The following CTNNA3 variants were observed in gnomAD, a reference collection of about 807,000 sequenced individuals.
CTNNA3 encodes the protein catenin alpha 3.
CTNNA3 carries 76 observed loss-of-function variants against 95.7 expected under a neutral mutation model. The ratio of observed to expected loss-of-function variants is 0.79; its 90% CI spans 0.66 to 0.96. The LOEUF is 0.96. CTNNA3 is among the 40% of genes least tolerant of loss of function. The pLI, the probability that CTNNA3 is intolerant of heterozygous loss-of-function variation, is 0.00. For missense variants in CTNNA3, 1,191 were observed against 1,089.8 expected (o/e 1.09, Z -1.31); for synonymous variants, 431 against 374.4 (o/e 1.15, Z -1.74).
intron 13 of CTNNA3, among the ~76,000 whole-genome samples, chr10:66,186,488 T>C (rs2086351879): frequency 6.6e-6 from 1 of 152,218 alleles, no homozygotes; most frequent in Admixed American, 6.5e-5. Flanking sequence ...TCTTAAATAC[T>C]TGATGCTTCA....
At chr10:67,644,095 T>A (rs184380499) in intron 2 of CTNNA3, among the ~76,000 whole-genome samples, 4 of 152,362 alleles carry the variant, frequency 2.6e-5, no homozygotes, top group Admixed American at 2.6e-4. Context: ...TCTAGATCCT[T>A]GAGGAATTGC....
intron 13 of CTNNA3, among the ~76,000 whole-genome samples, chr10:66,204,588 T>C (rs1467519756): frequency 6.6e-6 from 1 of 152,204 alleles, no homozygotes; most frequent in East Asian, 1.9e-4. Flanking sequence ...TAGGAATTAA[T>C]ACTATCTCCT....
intron 7 of CTNNA3, among the ~76,000 whole-genome samples, chr10:66,786,517 G>T (rs1284705782): frequency 6.6e-6 from 1 of 152,172 alleles, no homozygotes; most frequent in African/African-American, 2.4e-5. Context: ...AGTTTTGACA[G>T]TTATATTCTA....
At chr10:66,615,361 C>T (rs2132297517) in intron 10 of CTNNA3, among the ~76,000 whole-genome samples, 1 of 152,096 alleles carries the variant, frequency 6.6e-6, no homozygotes, top group Middle Eastern at 3.4e-3. Context: ...TGCTATAAGT[C>T]AGTCCCCATA....
At chr10:67,557,885 G>C (rs1841315661) in intron 3 of CTNNA3, among the ~76,000 whole-genome samples, 1 of 152,118 alleles carries the variant, frequency 6.6e-6, no homozygotes, top group East Asian at 1.9e-4. Flanking sequence ...CTGGGCCTGA[G>C]AAACTCTGTC....
rs1244117450 is a variant in CTNNA3, at chr10:66,607,457, C to T, written c.1374+14235G>A. 2.4e-5 allele frequency among the ~76,000 whole-genome samples: 3 copies of T among 124,078 alleles called. No individual in the cohort carries two copies. In the East Asian group the frequency reaches 6.4e-4, roughly 27 times the overall value. 81.4% of individuals were successfully genotyped at this position (124,078 alleles called of 152,430 possible). On this transcript the variant is annotated intron_variant, in intron 10 of 17. Transcript: ENST00000433211. The stretch of plus-strand genomic sequence containing the variant: ...GGCTACCATCATCCTGAAACCAAAA[C>T]CAGGCAGAGACAACCAAAAAAAAAA...
chr10:67,105,287 T>A (rs943034231), intron 7 of CTNNA3, among the ~76,000 whole-genome samples: 2 of 137,498 alleles, frequency 1.5e-5, no homozygotes, highest in Non-Finnish European at 3.2e-5. Context: ...AGAGAGACTA[T>A]TAAGAATAAA....
chr10:66,386,327 A>G (rs1054624706), intron 11 of CTNNA3, among the ~76,000 whole-genome samples: 3 of 152,180 alleles, frequency 2.0e-5, no homozygotes, highest in Admixed American at 6.5e-5. Context: ...CCAAATCATG[A>G]GTGAACTCCC....
At position 66,657,860 on chromosome 10, in the gene CTNNA3, C is replaced by T. The variant is rs1241693613; in HGVS notation, c.1282-36076G>A. Among the ~76,000 whole-genome samples the T allele has an allele frequency of 2.6e-5, 4 of 152,086 alleles. No individual in the cohort carries two copies. The East Asian group carries it at 5.8e-4, about 22-fold the overall frequency. ...ATGGGAAGGCAGTCGTGCAATTAAA[C>T]CCTGGTTATTAAGAATTTTGAGAGG... On this transcript the variant is annotated intron_variant, in intron 9 of 17. Coordinates refer to ENST00000433211, the MANE Select transcript of CTNNA3 (RefSeq NM_013266.4).
At chr10:66,346,392 C>T (rs1053307717) in intron 12 of CTNNA3, among the ~76,000 whole-genome samples, 6 of 151,326 alleles carry the variant, frequency 4.0e-5, no homozygotes, top group Admixed American at 2.0e-4. Context: ...AATTATCCTG[C>T]GTCAGCCTCC....
intron 5 of CTNNA3, among the ~76,000 whole-genome samples, chr10:67,404,800 G>A (rs1464226061): frequency 6.6e-6 from 1 of 152,068 alleles, no homozygotes; most frequent in African/African-American, 2.4e-5. Flanking sequence ...AAATGTCAAA[G>A]GCCACTGGAA....
At chr10:66,530,202 C>A (rs1259612917) in intron 10 of CTNNA3, among the ~76,000 whole-genome samples, 2 of 152,084 alleles carry the variant, frequency 1.3e-5, no homozygotes, top group East Asian at 3.9e-4. Context: ...TATGTAGTAT[C>A]TATAGGTCTG....
chr10:66,466,244 G>T (rs1230632152), intron 11 of CTNNA3, among the ~76,000 whole-genome samples: 1 of 151,536 alleles, frequency 6.6e-6, no homozygotes, highest in Non-Finnish European at 1.5e-5. Flanking sequence ...TTCTGGGCTT[G>T]CCAGTCTCCG....
At chr10:67,432,155 G>A (rs1419122546) in intron 5 of CTNNA3, among the ~76,000 whole-genome samples, 1 of 151,630 alleles carries the variant, frequency 6.6e-6, no homozygotes, top group East Asian at 1.9e-4. Context: ...AAAATGGTCT[G>A]GAACCAATTA....
chr10:67,115,541 C>T (rs1469645731), intron 7 of CTNNA3, among the ~76,000 whole-genome samples: 1 of 151,596 alleles, frequency 6.6e-6, no homozygotes, highest in East Asian at 1.9e-4. Context: ...ATGGGTGCTA[C>T]ATGATACAAG....
chr10:66,725,128 A>G (rs528962411), intron 9 of CTNNA3, among the ~76,000 whole-genome samples: 10 of 152,270 alleles, frequency 6.6e-5, no homozygotes, highest in African/African-American at 2.2e-4. Flanking sequence ...TTGTATAGGG[A>G]ATAATGACAA....
intron 2 of CTNNA3, among the ~76,000 whole-genome samples, chr10:67,615,486 A>T (rs1843621170): frequency 6.6e-6 from 1 of 152,198 alleles, no homozygotes; most frequent in African/African-American, 2.4e-5. Context: ...TCACTTAACC[A>T]CTTACCATCC....
intron 9 of CTNNA3, among the ~76,000 whole-genome samples, chr10:66,669,914 T>C (rs1464332570): frequency 6.6e-6 from 1 of 151,928 alleles, no homozygotes; most frequent in East Asian, 1.9e-4. Context: ...AGTGAGGCAG[T>C]GAGGGTGAGG....
intron 5 of CTNNA3, among the ~76,000 whole-genome samples, chr10:67,382,456 A>G (rs1435932057): frequency 6.6e-6 from 1 of 152,240 alleles, no homozygotes; most frequent in Non-Finnish European, 1.5e-5. Context: ...AAAATCAACT[A>G]ACAAAGGTTC....
Sources: allele counts gnomAD v4.1 joint callset (sites outside exome capture counted in the v4.1 genomes callset), GRCh38; gene constraint gnomAD v4.1.1; transcripts MANE v1.5; gene names NCBI Gene and HGNC (gene_info 2026-07-23, HGNC 2026-07-21).